Variants in MTUS2 observed in about 807,000 individuals in gnomAD.
MTUS2 encodes the protein microtubule-associated tumor suppressor candidate 2.
MTUS2 carries 40 observed loss-of-function variants against 114.1 expected under a neutral mutation model. That is an observed-to-expected ratio of 0.35 (90% confidence interval 0.27 to 0.46). The LOEUF is 0.46. Among genes scored for constraint, MTUS2 ranks in the 20% least tolerant of loss-of-function variants. The probability of loss-of-function intolerance (pLI) is 1.00; values close to 1 mark genes in which losing one functional copy is unlikely to be tolerated. For synonymous variants in MTUS2, 688 were observed against 672.0 expected, an observed-to-expected ratio of 1.02 and a Z score of -0.37; for missense variants, 1,679 against 1,705.4, an observed-to-expected ratio of 0.98 and a Z score of 0.27.
chr13:28,881,224 G>T (rs1878270687), intron 2 of MTUS2, among the ~76,000 whole-genome samples: 1 of 152,140 alleles, frequency 6.6e-6, no homozygotes, highest in Non-Finnish European at 1.5e-5. Context: ...AGAACATGCG[G>T]TATTTGATTT....
chr13:29,266,672 G>C (rs527674701), intron 5 of MTUS2, among the ~76,000 whole-genome samples: 21 of 152,296 alleles, frequency 1.4e-4, no homozygotes, highest in African/African-American at 4.8e-4. Flanking sequence ...CATGCCCACT[G>C]TGACTACATT....
chr13:28,994,646 G>A (rs1250394306), intron 2 of MTUS2, among the ~76,000 whole-genome samples: 2 of 152,162 alleles, frequency 1.3e-5, no homozygotes, highest in Non-Finnish European at 2.9e-5. Context: ...TTTCTCTGAT[G>A]GCCAGTGATG....
intron 8 of MTUS2, among the ~76,000 whole-genome samples, chr13:29,389,749 ACATATG>A (rs1245369524): frequency 3.0e-5 from 1 of 32,826 alleles, no homozygotes; most frequent in African/African-American, 8.2e-5. Context: ...GTATATACAT[ACATATG>A]TGTGTATATG....
chr13:29,344,409 C>G (rs571147354), intron 7 of MTUS2, among the ~76,000 whole-genome samples: 101 of 152,184 alleles, frequency 6.6e-4, no homozygotes, highest in African/African-American at 2.3e-3. Context: ...TAATGTTCCT[C>G]TTTGTCTTTT....
At chr13:28,935,430 G>A (rs1881852660) in intron 2 of MTUS2, among the ~76,000 whole-genome samples, 1 of 151,836 alleles carries the variant, frequency 6.6e-6, no homozygotes, top group Non-Finnish European at 1.5e-5. Context: ...AGCAGTGTTT[G>A]TACTTCTACT....
chr13:29,056,985 A>G (rs1218057469), intron 4 of MTUS2, among the ~76,000 whole-genome samples: 3 of 151,992 alleles, frequency 2.0e-5, no homozygotes, highest in African/African-American at 7.2e-5. Context: ...GTTATGTCCT[A>G]GAGATTCTAG....
Position 29,474,262 on chromosome 13 carries a change from G to A in MTUS2, c.3185-5888G>A, listed in dbSNP as rs534991701. On this transcript the variant is annotated intron_variant, in intron 9 of 15. Coordinates refer to ENST00000612955, the MANE Select transcript of MTUS2 (RefSeq NM_001033602.4). ...ACAGTGCAGTTCAGGGACAGCCCTA[G>A]AATGAAACCCAATCATTTCTGAGCC... is the stretch of plus-strand genomic sequence containing the variant. Among the ~76,000 whole-genome samples, 8 of 152,288 alleles carry A rather than the reference G, an allele frequency of 5.3e-5. No homozygotes were observed. In the South Asian group the frequency reaches 1.5e-3, roughly 28 times the overall value.
At chr13:29,382,316 G>C (rs1872273310) in intron 8 of MTUS2, among the ~76,000 whole-genome samples, 1 of 152,204 alleles carries the variant, frequency 6.6e-6, no homozygotes, top group South Asian at 2.1e-4. Flanking sequence ...TTGGGGGACA[G>C]ATAGGCAGGG....
intron 7 of MTUS2, among the ~76,000 whole-genome samples, chr13:29,347,531 A>G (rs965207249): frequency 1.3e-5 from 1 of 79,854 alleles, no homozygotes; most frequent in African/African-American, 7.4e-5. Context: ...TTGGATGATT[A>G]AAAAAAAAAC....
chr13:29,037,831 G>A (rs566571792), intron 4 of MTUS2, among the ~76,000 whole-genome samples: 37 of 152,076 alleles, frequency 2.4e-4, no homozygotes, highest in African/African-American at 8.4e-4. Context: ...TATTCTTCAC[G>A]AAGTTTTCAT....
At chr13:29,091,820 G>A (rs1889965302) in intron 4 of MTUS2, among the ~76,000 whole-genome samples, 1 of 152,152 alleles carries the variant, frequency 6.6e-6, no homozygotes, top group African/African-American at 2.4e-5. Flanking sequence ...TGTAACAGAA[G>A]CTCTGTAGGA....
chr13:29,134,903 T>C (rs570741134), intron 5 of MTUS2, among the ~76,000 whole-genome samples: 29 of 152,312 alleles, frequency 1.9e-4, no homozygotes, highest in African/African-American at 6.5e-4. Flanking sequence ...TTTATTAATA[T>C]ATACAATAGT....
intron 2 of MTUS2, among the ~76,000 whole-genome samples, chr13:28,977,764 G>A (rs1471939503): frequency 6.6e-6 from 1 of 152,078 alleles, no homozygotes; most frequent in Non-Finnish European, 1.5e-5. Flanking sequence ...TACTAATTTG[G>A]TTTTCAGCTG....
chr13:29,317,477 GCCGGA>G (rs1440356522), intron 6 of MTUS2, among the ~76,000 whole-genome samples: 2 of 10,710 alleles, frequency 1.9e-4, no homozygotes, highest in Non-Finnish European at 2.6e-4. Flanking sequence ...TGTCGCCCAG[GCCGGA>G]CTGCGGACTG....
intron 4 of MTUS2, among the ~76,000 whole-genome samples, chr13:29,046,500 A>G (rs1282073401): frequency 1.3e-5 from 2 of 152,128 alleles, no homozygotes; most frequent in East Asian, 3.9e-4. Context: ...TTCTTTCTGA[A>G]ACTTGTTCCT....
chr13:29,204,375 C>T (rs188374477), intron 5 of MTUS2, among the ~76,000 whole-genome samples: 1 of 152,290 alleles, frequency 6.6e-6, no homozygotes, highest in East Asian at 1.9e-4. Context: ...GCCGGGGTTG[C>T]CAAGCCTTCC....
chr13:29,313,109 G>A (rs985764648), intron 6 of MTUS2, among the ~76,000 whole-genome samples: 1 of 152,174 alleles, frequency 6.6e-6, no homozygotes, highest in African/African-American at 2.4e-5. Flanking sequence ...AACCCATAGT[G>A]TAGTAAAGCT....
chr13:29,381,802 C>G (rs3922985), intron 8 of MTUS2, among the ~76,000 whole-genome samples: 29,289 of 152,118 alleles, frequency 0.19, 3,029 homozygotes, highest in Middle Eastern at 0.25. Context: ...GACCCTTTCT[C>G]TGTTTCATGG....
At chr13:29,492,741 T>C in intron 12 of MTUS2, 22 bp downstream of exon 12, 1 of 1,575,130 alleles carries the variant, frequency 6.3e-7, no homozygotes, top group Non-Finnish European at 8.7e-7. Context: ...TTTAATTTTC[T>C]TACCTGGTAT....
Sources: gnomAD v4.1 joint callset for allele counts (sites outside exome capture counted in the v4.1 genomes callset) on GRCh38, gnomAD v4.1.1 for gene constraint, MANE v1.5 for transcripts, NCBI Gene and HGNC (gene_info 2026-07-23, HGNC 2026-07-21) for gene names.